Variants in GMDS observed in about 807,000 individuals in gnomAD.
The protein encoded by GMDS is GDP-mannose 4,6 dehydratase.
GMDS carries 20 observed loss-of-function variants against 49.9 expected under a neutral mutation model. That is an observed-to-expected ratio of 0.40 (90% CI 0.28 to 0.58). The LOEUF (loss-of-function observed/expected upper bound fraction) is 0.58, where lower values mean the gene tolerates loss of function less well. Ranked by LOEUF, GMDS falls within the 20% of genes least tolerant of loss-of-function variation. The probability of loss-of-function intolerance (pLI) is 0.42; values close to 1 mark genes in which losing one functional copy is unlikely to be tolerated. For synonymous variants in GMDS, 177 were observed against 178.6 expected (o/e 0.99, Z 0.07); for missense variants, 362 against 481.4 (o/e 0.75, Z 2.32).
intron 8 of GMDS, among the ~76,000 whole-genome samples, chr6:1,741,424 T>C (rs1175360873): frequency 6.6e-6 from 1 of 152,196 alleles, no homozygotes; most frequent in Non-Finnish European, 1.5e-5. Flanking sequence ...AGGAGTGATA[T>C]CATTCAGTAC....
At position 1,758,439 on chromosome 6, in the gene GMDS, GAATACCTGGGAGTA is replaced by G. The variant is rs138717594; in HGVS notation, c.772-15867_772-15854del. The stretch of plus-strand genomic sequence containing the variant: ...TCATACCACACTCTCTCCCCAATTG[GAATACCTGGGAGTA>G]AACACCTGAGAAACCCTCTGGAGTT... On this transcript the variant is annotated intron_variant, in intron 7 of 10. Coordinates refer to ENST00000380815, the MANE Select transcript of GMDS (RefSeq NM_001500.4). Among the ~76,000 whole-genome samples the G allele has an allele frequency of 3.6e-3, 555 of 152,308 alleles. 1 individual carries two copies. The highest frequency in any genetic ancestry group is 0.013 in the African/African-American group (533 of 41,560).
At chr6:1,711,122 A>G (rs1765944976) in intron 9 of GMDS, among the ~76,000 whole-genome samples, 2 of 152,200 alleles carry the variant, frequency 1.3e-5, no homozygotes, top group Admixed American at 1.3e-4. Flanking sequence ...CCTGGGGGGA[A>G]TCAGCTTTTA....
At chr6:1,675,588 C>A (rs377206820) in intron 9 of GMDS, among the ~76,000 whole-genome samples, 7 of 152,260 alleles carry the variant, frequency 4.6e-5, no homozygotes, top group Admixed American at 1.3e-4. Flanking sequence ...TGCGGTGGCT[C>A]ATGCCTGTAA....
At chr6:1,911,850 T>C (rs1289492486) in intron 7 of GMDS, among the ~76,000 whole-genome samples, 1 of 152,190 alleles carries the variant, frequency 6.6e-6, no homozygotes, top group African/African-American at 2.4e-5. Flanking sequence ...TCAAGCAACA[T>C]TCTGACTAAG....
At chr6:1,798,237 GCACACACACACACACACACACACACA>G (rs70992103) in intron 7 of GMDS, among the ~76,000 whole-genome samples, 1 of 143,336 alleles carries the variant, frequency 7.0e-6, no homozygotes, top group Non-Finnish European at 1.5e-5. Flanking sequence ...TAATTACAGA[GCACACACACACACACACACACACACA>G]CACACACACA....
intron 9 of GMDS, among the ~76,000 whole-genome samples, chr6:1,702,032 G>C (rs1393864853): frequency 6.6e-6 from 1 of 152,192 alleles, no homozygotes; most frequent in African/African-American, 2.4e-5. Context: ...CTCAAATGAC[G>C]CACGCCTCTC....
intron 1 of GMDS, among the ~76,000 whole-genome samples, chr6:2,233,674 G>A (rs375813896): frequency 6.6e-6 from 1 of 152,130 alleles, no homozygotes; most frequent in Non-Finnish European, 1.5e-5. Context: ...ACAAAAATTA[G>A]CCAAGCATGG....
intron 1 of GMDS, among the ~76,000 whole-genome samples, chr6:2,209,009 C>G (rs1159832725): frequency 6.6e-6 from 1 of 152,178 alleles, no homozygotes; most frequent in Non-Finnish European, 1.5e-5. Flanking sequence ...TCTTCCATCA[C>G]TTCAAGAAAA....
At chr6:1,941,110 C>T (rs564979125) in intron 6 of GMDS, among the ~76,000 whole-genome samples, 26 of 152,080 alleles carry the variant, frequency 1.7e-4, no homozygotes, top group Non-Finnish European at 2.2e-4. Flanking sequence ...TCTATTCATT[C>T]GATACACTAA....
intron 7 of GMDS, among the ~76,000 whole-genome samples, chr6:1,842,742 G>T (rs370863202): frequency 7.9e-5 from 12 of 152,172 alleles, no homozygotes; most frequent in Admixed American, 5.2e-4. Context: ...GAGGGGTGGG[G>T]ATAGGGGATA....
chr6:1,705,408 G>A (rs1339318380), intron 9 of GMDS, among the ~76,000 whole-genome samples: 3 of 152,168 alleles, frequency 2.0e-5, no homozygotes, highest in East Asian at 3.9e-4. Flanking sequence ...TTGTACTCTC[G>A]ATAGGCAGGT....
chr6:2,075,471 T>G (rs1772279679), intron 4 of GMDS, among the ~76,000 whole-genome samples: 1 of 152,220 alleles, frequency 6.6e-6, no homozygotes, highest in African/African-American at 2.4e-5. Context: ...AGTGTTCTCA[T>G]TGTTCAATTC....
chr6:2,023,681 T>C (rs1254137287), intron 4 of GMDS, among the ~76,000 whole-genome samples: 1 of 152,212 alleles, frequency 6.6e-6, no homozygotes, highest in Non-Finnish European at 1.5e-5. Context: ...CTAAACTGAT[T>C]TTTCATATAT....
Position 2,064,277 on chromosome 6 carries a change from A to T in GMDS, c.345+51494T>A, listed in dbSNP as rs148728834. Among the ~76,000 whole-genome samples, 191 of 152,346 alleles carry T rather than the reference A, an allele frequency of 1.3e-3. 1 individual carries two copies. The highest frequency in any genetic ancestry group is 4.4e-3 in the African/African-American group (183 of 41,572). ...TAAACTTTGTTAATAATCACAAATT[A>T]TACATGTAATTACTATATTTTTCAG... On this transcript the variant is annotated intron_variant, in intron 4 of 10. Coordinates refer to ENST00000380815, the MANE Select transcript of GMDS (RefSeq NM_001500.4).
intron 1 of GMDS, among the ~76,000 whole-genome samples, chr6:2,230,143 A>G (rs1781019104): frequency 6.6e-6 from 1 of 151,074 alleles, no homozygotes; most frequent in African/African-American, 2.5e-5. Flanking sequence ...GTCCTACCAC[A>G]GGATTAATTC....
At chr6:2,018,403 T>G (rs1011062126) in intron 4 of GMDS, among the ~76,000 whole-genome samples, 1 of 152,204 alleles carries the variant, frequency 6.6e-6, no homozygotes, top group Non-Finnish European at 1.5e-5. Flanking sequence ...AATACACTGA[T>G]GGTTGTTGAG....
At chr6:2,005,023 T>C (rs1427849319) in intron 4 of GMDS, among the ~76,000 whole-genome samples, 1 of 152,154 alleles carries the variant, frequency 6.6e-6, no homozygotes, top group African/African-American at 2.4e-5. Context: ...TATAGGTAAG[T>C]CAGAGCTTCT....
At chr6:2,045,333 T>C (rs1370161925) in intron 4 of GMDS, among the ~76,000 whole-genome samples, 1 of 152,000 alleles carries the variant, frequency 6.6e-6, no homozygotes, top group East Asian at 1.9e-4. Context: ...ATTAATTATA[T>C]TGTTTATATA....
At chr6:1,812,873 T>A (rs1348175769) in intron 7 of GMDS, among the ~76,000 whole-genome samples, 1 of 152,234 alleles carries the variant, frequency 6.6e-6, no homozygotes, top group African/African-American at 2.4e-5. Context: ...CAGAAATTTA[T>A]TTTTGTTAGT....
Sources: gnomAD v4.1 joint callset for allele counts (sites outside exome capture counted in the v4.1 genomes callset) on GRCh38, gnomAD v4.1.1 for gene constraint, MANE v1.5 for transcripts, NCBI Gene and HGNC (gene_info 2026-07-23, HGNC 2026-07-21) for gene names.